The following IL1RAP variants were observed in gnomAD, a reference collection of about 807,000 sequenced individuals.
The protein encoded by IL1RAP is interleukin-1 receptor accessory protein.
IL1RAP carries 35 observed loss-of-function variants against 60.7 expected under a neutral mutation model. The observed-to-expected ratio is 0.58, with a 90% CI of 0.44 to 0.76. The LOEUF is 0.76. IL1RAP is among the 30% of genes least tolerant of loss of function. IL1RAP has a pLI of 0.00. For synonymous variants in IL1RAP, 268 were observed against 250.9 expected, an observed-to-expected ratio of 1.07 and a Z score of -0.64; for missense variants, 572 against 693.9, an observed-to-expected ratio of 0.82 and a Z score of 1.97.
chr3:190,549,054 C>T (rs996967619), intron 1 of IL1RAP, among the ~76,000 whole-genome samples: 5 of 151,962 alleles, frequency 3.3e-5, no homozygotes, highest in African/African-American at 1.2e-4. Flanking sequence ...ATTAGGCTCA[C>T]AGACACGTAG....
Position 190,650,426 on chromosome 3 carries a change from G to T in IL1RAP, c.*1721G>T, listed in dbSNP as rs1734325423. On this transcript the variant is annotated 3_prime_UTR_variant, in exon 12 of 12. Transcript: ENST00000447382. ...CCCAGCAGACACATTTAGAAACTAA[G>T]CTATGTTAACCTCAGTGCTCAACTA... The T allele has an allele frequency of 2.0e-6, 2 of 985,018 alleles. No homozygotes were observed. Among genetic ancestry groups the T allele is most frequent in the East Asian group, 1.1e-4 (1 of 8,826 alleles). 61.0% of individuals were successfully genotyped at this position (985,018 alleles called of 1,614,324 possible). A position where few individuals can be genotyped will look rare whatever the true frequency, so the allele number is the denominator to read the frequency against.
At chr3:190,634,829 C>T (rs1343578788) in intron 9 of IL1RAP, among the ~76,000 whole-genome samples, 3 of 151,946 alleles carry the variant, frequency 2.0e-5, no homozygotes, top group African/African-American at 7.3e-5. Context: ...CATTCTCCTG[C>T]CTCAGCCTCC....
chr3:190,631,384 A>G (rs1732775974), intron 9 of IL1RAP, among the ~76,000 whole-genome samples: 1 of 152,150 alleles, frequency 6.6e-6, no homozygotes, highest in Non-Finnish European at 1.5e-5. Context: ...CCCTGCTCTA[A>G]ATGGTGTAAT....
chr3:190,535,487 T>C (rs1464950212), intron 1 of IL1RAP, among the ~76,000 whole-genome samples: 1 of 152,056 alleles, frequency 6.6e-6, no homozygotes, highest in East Asian at 1.9e-4. Flanking sequence ...ATTAGTGCTA[T>C]TTTTTTTCTC....
chr3:190,594,731 A>G (rs1729236868), intron 3 of IL1RAP, among the ~76,000 whole-genome samples: 1 of 152,230 alleles, frequency 6.6e-6, no homozygotes, highest in South Asian at 2.1e-4. Flanking sequence ...CTAGCAGTCC[A>G]TGCCACAGAT....
chr3:190,649,889 G>A lies in IL1RAP; in HGVS notation c.*1184G>A. 2.0e-6 allele frequency: 2 copies of A among 983,442 alleles called. No homozygotes were observed. Among genetic ancestry groups the A allele is most frequent in the Non-Finnish European group, 2.4e-6 (2 of 828,206 alleles). The allele number at this position is 983,442 out of a possible 1,614,324, so 60.9% of individuals were successfully genotyped here. A position where few individuals can be genotyped will look rare whatever the true frequency, so the allele number is the denominator to read the frequency against. ...CTGTTTTTAAGACTTGGAAAACTAA[G>A]TGCAGAGTTTACAGAGTGGTAAATA... On this transcript the variant is annotated 3_prime_UTR_variant, in exon 12 of 12. Coordinates refer to ENST00000447382, the MANE Select transcript of IL1RAP (RefSeq NM_002182.4).
At position 190,651,014 on chromosome 3, in the gene IL1RAP, A is replaced by G; in HGVS notation, c.*2309A>G. 1.0e-6 allele frequency: 1 copy of G among 984,416 alleles called. No homozygotes were observed. The highest frequency in any genetic ancestry group is 1.2e-6 in the Non-Finnish European group (1 of 829,036). 61.0% of individuals were successfully genotyped at this position (984,416 alleles called of 1,614,324 possible). On this transcript the variant is annotated 3_prime_UTR_variant, in exon 12 of 12. Transcript: ENST00000447382. ...GGTACTTAATTTTACAAATGCTGTA[A>G]TATAAAGCATATCAAGTTTATGTGA...
At chr3:190,608,075 C>G (rs767723359) in intron 4 of IL1RAP, among the ~76,000 whole-genome samples, 1 of 152,156 alleles carries the variant, frequency 6.6e-6, no homozygotes, top group Non-Finnish European at 1.5e-5. Flanking sequence ...CAGCACTGAG[C>G]ATTATTGAGA....
chr3:190,655,821 G>T, downstream of IL1RAP: 1 of 1,147,742 alleles, frequency 8.7e-7, no homozygotes, highest in Non-Finnish European at 1.2e-6. Flanking sequence ...CTGGAGGATG[G>T]ACAATAACGA....
intron 10 of IL1RAP, among the ~76,000 whole-genome samples, chr3:190,644,836 C>G (rs1193543034): frequency 6.6e-6 from 1 of 152,082 alleles, no homozygotes; most frequent in East Asian, 1.9e-4. Flanking sequence ...CTACTTTATC[C>G]TTATAGCACA....
At chr3:190,576,099 C>T (rs1727419315) in intron 3 of IL1RAP, among the ~76,000 whole-genome samples, 1 of 152,006 alleles carries the variant, frequency 6.6e-6, no homozygotes, top group Admixed American at 6.5e-5. Flanking sequence ...TTGTACTTTA[C>T]CTCAAAACAA....
chr3:190,558,757 T>G (rs1725644841), intron 2 of IL1RAP, among the ~76,000 whole-genome samples: 1 of 152,208 alleles, frequency 6.6e-6, no homozygotes, highest in African/African-American at 2.4e-5. Flanking sequence ...CTTTCTGGGA[T>G]TTTGATTGGA....
intron 3 of IL1RAP, among the ~76,000 whole-genome samples, chr3:190,596,922 G>A (rs1729425663): frequency 6.6e-6 from 1 of 152,090 alleles, no homozygotes; most frequent in Non-Finnish European, 1.5e-5. Flanking sequence ...AAAAAGCTCT[G>A]ACAAAATGCG....
intron 3 of IL1RAP, among the ~76,000 whole-genome samples, chr3:190,579,179 T>C (rs528935064): frequency 6.6e-6 from 1 of 152,360 alleles, no homozygotes; most frequent in Non-Finnish European, 1.5e-5. Flanking sequence ...TTTCCGTATC[T>C]GTAGGCATGG....
At chr3:190,601,907 G>A (rs572197090) in intron 3 of IL1RAP, among the ~76,000 whole-genome samples, 1 of 152,228 alleles carries the variant, frequency 6.6e-6, no homozygotes, top group African/African-American at 2.4e-5. Flanking sequence ...TGACAACAGA[G>A]TTCCAAGAGA....
At chr3:190,565,727 G>A (rs980817805) in intron 3 of IL1RAP, among the ~76,000 whole-genome samples, 4 of 152,240 alleles carry the variant, frequency 2.6e-5, no homozygotes, top group African/African-American at 7.2e-5. Context: ...TAGGTGTCGC[G>A]TTTGATAGGT....
chr3:190,636,517 C>CA (rs1733235366), intron 9 of IL1RAP, among the ~76,000 whole-genome samples: 1 of 150,308 alleles, frequency 6.7e-6, no homozygotes, highest in East Asian at 1.9e-4. Context: ...TTCCAGCTTT[C>CA]TTTTTTTTTA....
intron 3 of IL1RAP, among the ~76,000 whole-genome samples, chr3:190,592,516 G>C (rs989816154): frequency 5.3e-5 from 8 of 152,188 alleles, no homozygotes; most frequent in Non-Finnish European, 1.0e-4. Flanking sequence ...GAGACCTTCA[G>C]CAGCTTCGTT....
chr3:190,655,044 G>A (rs546496362), downstream of IL1RAP, among the ~76,000 whole-genome samples: 7 of 151,588 alleles, frequency 4.6e-5, no homozygotes, highest in South Asian at 2.1e-4. Context: ...ACACACACAC[G>A]CACCACACAC....
Sources: gnomAD v4.1 joint callset for allele counts (sites outside exome capture counted in the v4.1 genomes callset) on GRCh38, gnomAD v4.1.1 for gene constraint, MANE v1.5 for transcripts, NCBI Gene and HGNC (gene_info 2026-07-23, HGNC 2026-07-21) for gene names.